Variants in UGT1A8 observed in about 807,000 individuals in gnomAD.
UGT1A8 encodes the protein UDP glucuronosyltransferase family 1 member A8, also known as UDP-glucuronosyltransferase 1A8.
In UGT1A8, 39 loss-of-function variants were observed where a neutral mutation model predicts 45.3. The observed-to-expected ratio is 0.86, with a 90% CI of 0.67 to 1.12. The LOEUF (loss-of-function observed/expected upper bound fraction) is 1.12, where lower values mean the gene tolerates loss of function less well. UGT1A8 is among the 50% of genes most tolerant of loss of function. UGT1A8 has a pLI of 0.00. For synonymous variants in UGT1A8, 275 were observed against 249.2 expected (o/e 1.10, Z -0.97); for missense variants, 719 against 664.9 (o/e 1.08, Z -0.90).
At position 233,690,380 on chromosome 2, in the gene UGT1A8, C is replaced by T. The variant is rs188057547; in HGVS notation, c.855+71818C>T. 2.1e-4 allele frequency: 211 copies of T among 988,552 alleles called. 1 individual carries two copies. The African/African-American group carries it at 2.4e-3, about 11-fold the overall frequency. The allele number at this position is 988,552 out of a possible 1,614,324, so 61.2% of individuals were successfully genotyped here. On this transcript the variant is annotated intron_variant, in intron 1 of 4. Transcript: ENST00000373450. ...GAAGCAAACCTCTCCATAGGGTCCA[C>T]GTTTCCAGACCTTCCTATTCCCAAC... is the stretch of plus-strand genomic sequence containing the variant.
At chr2:233,644,012 G>A (rs970866564) in intron 1 of UGT1A8, among the ~76,000 whole-genome samples, 5 of 152,136 alleles carry the variant, frequency 3.3e-5, no homozygotes, top group African/African-American at 1.2e-4. Flanking sequence ...TGCATCCTGG[G>A]ATTAGGGGAG....
In UGT1A8 at chr2:233,769,625, A is replaced by G; in HGVS notation, c.1295+1186A>G. 1 of 1,612,274 alleles carries G rather than the reference A, an allele frequency of 6.2e-7. No homozygotes were observed. Among genetic ancestry groups the G allele is most frequent in the African/African-American group, 1.3e-5 (1 of 75,020 alleles). On this transcript the variant is annotated intron_variant, in intron 4 of 4. Coordinates refer to ENST00000373450, the MANE Select transcript of UGT1A8 (RefSeq NM_019076.5). The surrounding 1 kb of genome is among the most constrained non-coding windows in gnomAD (Gnocchi z 4.4). ...GGGGACACACCAGCTTGAGCAAGGGACAACAGGGGAGGACTGATGACTGAC... is the reference window on the plus strand; with the variant it reads ...GGGGACACACCAGCTTGAGCAAGGGGCAACAGGGGAGGACTGATGACTGAC...
intron 4 of UGT1A8, 75 bp from the exon 5 acceptor site, chr2:233,772,187 G>A: frequency 6.3e-7 from 1 of 1,594,510 alleles, no homozygotes; most frequent in South Asian, 1.1e-5. Flanking sequence ...GTCTTCTTAA[G>A]CAGCCATGAG....
intron 1 of UGT1A8, among the ~76,000 whole-genome samples, chr2:233,697,775 A>G (rs919949633): frequency 6.6e-6 from 1 of 151,896 alleles, no homozygotes; most frequent in African/African-American, 2.4e-5. Flanking sequence ...TTGTGTTTCC[A>G]TTTTCATTCG....
intron 1 of UGT1A8, among the ~76,000 whole-genome samples, chr2:233,759,591 C>A (rs984696431): frequency 4.1e-5 from 6 of 147,100 alleles, no homozygotes; most frequent in East Asian, 4.1e-4. Context: ...GCACGCCCCC[C>A]ACCCCCGACC....
intron 1 of UGT1A8, among the ~76,000 whole-genome samples, chr2:233,711,484 C>T (rs1182676928): frequency 6.6e-6 from 1 of 152,094 alleles, no homozygotes; most frequent in Non-Finnish European, 1.5e-5. Context: ...GATGTTGCAC[C>T]CACAGCTGAG....
chr2:233,769,111 C>T lies in UGT1A8; in HGVS notation c.1295+672C>T, dbSNP rs899905689. Among the ~76,000 whole-genome samples the T allele has an allele frequency of 3.9e-5, 6 of 152,132 alleles. No homozygotes were observed. Among genetic ancestry groups the T allele is most frequent in the African/African-American group, 1.4e-4 (6 of 41,418 alleles). ...CATAGTATCTTTAAGAGAAAAACAACTCAAATGCTTAGAAGTACAGCTTTT... is the reference window on the plus strand; with the variant it reads ...CATAGTATCTTTAAGAGAAAAACAATTCAAATGCTTAGAAGTACAGCTTTT... On this transcript the variant is annotated intron_variant, in intron 4 of 4. Coordinates refer to ENST00000373450, the MANE Select transcript of UGT1A8 (RefSeq NM_019076.5). This position sits in a 1 kb window ranked among gnomAD's most constrained non-coding sequence, Gnocchi z 4.4.
At chr2:233,706,824 A>G (rs2125605408) in intron 1 of UGT1A8, among the ~76,000 whole-genome samples, 2 of 152,344 alleles carry the variant, frequency 1.3e-5, no homozygotes, top group Middle Eastern at 3.4e-3. Flanking sequence ...ATCCCAGGGC[A>G]GGACTCTAAA....
intron 1 of UGT1A8, among the ~76,000 whole-genome samples, chr2:233,758,687 A>G (rs1165998608): frequency 6.6e-5 from 10 of 152,210 alleles, no homozygotes; most frequent in Non-Finnish European, 1.5e-4. Flanking sequence ...CCCATAGGAC[A>G]CCAAAACTCT....
intron 1 of UGT1A8, among the ~76,000 whole-genome samples, chr2:233,702,009 G>A (rs566769996): frequency 5.3e-4 from 81 of 152,124 alleles, no homozygotes; most frequent in Non-Finnish European, 5.9e-5. Context: ...CAGAACTGAA[G>A]GAAATAGAGA....
chr2:233,760,535 T>G (rs1425697704), intron 1 of UGT1A8: 1 of 1,614,120 alleles, frequency 6.2e-7, no homozygotes, highest in African/African-American at 1.3e-5. Context: ...CCTGTGCCAT[T>G]CCAAAGGGAG....
chr2:233,769,846 A>T lies in UGT1A8; in HGVS notation c.1295+1407A>T. 5.9e-6 allele frequency: 3 copies of T among 506,296 alleles called. No individual in the cohort carries two copies. Among genetic ancestry groups the T allele is most frequent in the African/African-American group, 2.0e-5 (1 of 49,168 alleles). The allele number at this position is 506,296 out of a possible 1,614,324, so 31.4% of individuals were successfully genotyped here. ...CTCCAGCAACCTGGGCAACAGAGTG[A>T]GACCCTGTCTCAAAAAAAAAAAAAA... On this transcript the variant is annotated intron_variant, in intron 4 of 4. Coordinates refer to ENST00000373450, the MANE Select transcript of UGT1A8 (RefSeq NM_019076.5). The surrounding 1 kb of genome is among the most constrained non-coding windows in gnomAD (Gnocchi z 4.4).
intron 1 of UGT1A8, among the ~76,000 whole-genome samples, chr2:233,620,128 C>T (rs924735993): frequency 3.9e-5 from 6 of 152,206 alleles, no homozygotes; most frequent in African/African-American, 1.4e-4. Flanking sequence ...CTGTCATTGG[C>T]AGATGGTTGG....
chr2:233,630,731 T>C (rs1035992328), intron 1 of UGT1A8, among the ~76,000 whole-genome samples: 2 of 151,942 alleles, frequency 1.3e-5, no homozygotes, highest in Non-Finnish European at 2.9e-5. Context: ...TTTATTTTAA[T>C]TTTTATTTTT....
At chr2:233,632,886 G>A (rs1247933740) in intron 1 of UGT1A8, among the ~76,000 whole-genome samples, 1 of 152,202 alleles carries the variant, frequency 6.6e-6, no homozygotes. Context: ...GGAGTGGTGA[G>A]AGAGGGCATC....
At chr2:233,703,921 C>T (rs932239618) in intron 1 of UGT1A8, among the ~76,000 whole-genome samples, 8 of 151,492 alleles carry the variant, frequency 5.3e-5, no homozygotes, top group African/African-American at 1.9e-4. Context: ...GACAAAATCT[C>T]ATTCTGTTAC....
At chr2:233,729,141 C>T (rs751723491) in intron 1 of UGT1A8, 1 of 1,613,272 alleles carries the variant, frequency 6.2e-7, no homozygotes, top group Admixed American at 1.7e-5. Flanking sequence ...CCACAGGACT[C>T]CAGGTTCCCC....
intron 1 of UGT1A8, chr2:233,719,027 C>A: frequency 1.2e-6 from 2 of 1,614,228 alleles, no homozygotes; most frequent in South Asian, 1.1e-5. Flanking sequence ...ATATGCACAT[C>A]AAAGAAGAGA....
At chr2:233,772,152 T>C (rs1386097688) in intron 4 of UGT1A8, 110 bp from the exon 5 acceptor site, 1 of 1,556,926 alleles carries the variant, frequency 6.4e-7, no homozygotes, top group African/African-American at 1.4e-5. Flanking sequence ...ACAGGTTTCC[T>C]TTCCCAAGTT....
Sources: allele counts gnomAD v4.1 joint callset (sites outside exome capture counted in the v4.1 genomes callset), GRCh38; gene constraint gnomAD v4.1.1; non-coding constraint Gnocchi (gnomAD v3.1); transcripts MANE v1.5; gene names NCBI Gene and HGNC (gene_info 2026-07-23, HGNC 2026-07-21).